Variants in MIB1 observed in about 807,000 individuals in gnomAD.
MIB1 encodes E3 ubiquitin-protein ligase MIB1.
In MIB1, 278 loss-of-function variants were observed where a neutral mutation model predicts 124.5. The observed-to-expected ratio is 2.23, with a 90% CI of 2.02 to 2.47. The LOEUF (loss-of-function observed/expected upper bound fraction) is 2.47. Among genes scored for constraint, MIB1 ranks in the 30% most tolerant of loss-of-function variants. The pLI is 0.00. For missense variants in MIB1, 957 were observed against 1,254.4 expected (o/e 0.76, Z 3.58); for synonymous variants, 446 against 429.4 (o/e 1.04, Z -0.48).
intron 6 of MIB1, among the ~76,000 whole-genome samples, chr18:21,781,414 T>TATAA (rs1334794571): frequency 2.0e-5 from 2 of 99,214 alleles, no homozygotes; most frequent in African/African-American, 4.0e-5. Context: ...TATATATATA[T>TATAA]AAAATTATTA....
At chr18:21,767,948 G>T (rs2041182507) in intron 2 of MIB1, among the ~76,000 whole-genome samples, 1 of 152,146 alleles carries the variant, frequency 6.6e-6, no homozygotes, top group African/African-American at 2.4e-5. Flanking sequence ...CAATACAGAA[G>T]ACTATCAGTA....
intron 12 of MIB1, among the ~76,000 whole-genome samples, chr18:21,821,867 C>CT: frequency 6.6e-6 from 1 of 152,272 alleles, no homozygotes; most frequent in East Asian, 1.9e-4. Flanking sequence ...TCCCAAAGTG[C>CT]TGGGATTACA....
chr18:21,765,849 T>A lies in MIB1; in HGVS notation c.307T>A (p.Cys103Ser), dbSNP rs1313624265. ...TGGCATTCGATGGAAGTGTGCAGAG[T>A]GTACAAATTATGATTTGTGCACAGT... ...IIGIRWKCAE[C>S]TNYDLCTVCY... Residue 103 changes from cysteine (C) to serine (S), a missense_variant, in exon 2 of 21, where the codon TGT (cysteine) becomes AGT (serine). By Grantham distance (112) the Cys-to-Ser change is moderately radical. Coordinates refer to ENST00000261537, the MANE Select transcript of MIB1 (RefSeq NM_020774.4). 2 of 1,613,978 alleles carry A rather than the reference T, an allele frequency of 1.2e-6. No homozygotes were observed. Among genetic ancestry groups the A allele is most frequent in the African/African-American group, 2.7e-5 (2 of 74,900 alleles).
chr18:21,790,372 A>G (rs866304054), intron 6 of MIB1, among the ~76,000 whole-genome samples: 1 of 152,252 alleles, frequency 6.6e-6, no homozygotes, highest in Admixed American at 6.5e-5. Context: ...ATAGGAGAAT[A>G]GTTAAGTACA....
chr18:21,769,936 G>A (rs1282708010), intron 3 of MIB1, among the ~76,000 whole-genome samples: 1 of 152,220 alleles, frequency 6.6e-6, no homozygotes, highest in Non-Finnish European at 1.5e-5. Flanking sequence ...AGGCATGGTG[G>A]CTCACGCCTG....
chr18:21,746,384 A>C (rs2040913266), intron 1 of MIB1, among the ~76,000 whole-genome samples: 1 of 152,168 alleles, frequency 6.6e-6, no homozygotes, highest in African/African-American at 2.4e-5. Context: ...TTTATGGTCT[A>C]GGATAGTTAA....
chr18:21,712,354 T>A (rs1158086066), intron 1 of MIB1, among the ~76,000 whole-genome samples: 2 of 152,120 alleles, frequency 1.3e-5, no homozygotes, highest in Non-Finnish European at 2.9e-5. Flanking sequence ...GGAGTGTGTA[T>A]AGGACCTGTG....
intron 3 of MIB1, among the ~76,000 whole-genome samples, chr18:21,770,546 C>G (rs1485471111): frequency 1.3e-5 from 2 of 152,074 alleles, no homozygotes; most frequent in Non-Finnish European, 2.9e-5. Context: ...TCTCGAACTC[C>G]TGGGTTCAAG....
intron 12 of MIB1, chr18:21,829,092 A>T (rs1301406679): frequency 2.2e-6 from 1 of 452,336 alleles, no homozygotes; most frequent in Admixed American, 2.7e-5. Context: ...AGTAGGTATT[A>T]CTAAGTTGTT....
Position 21,765,865 on chromosome 18 carries a change from T to G in MIB1, c.323T>G (p.Leu108Trp). ...TGTGCAGAGTGTACAAATTATGATT[T>G]GTGCACAGTGTGTTATCATGGAGAT... ...WKCAECTNYD[L>W]CTVCYHGDKH... is the part of the protein sequence containing the mutation. The change falls in exon 2 of 21, where the codon TTG (leucine) becomes TGG (tryptophan). Residue 108 changes from leucine to tryptophan, a missense_variant. By Grantham distance (61) the Leu-to-Trp change is moderately conservative. Coordinates refer to ENST00000261537, the MANE Select transcript of MIB1 (RefSeq NM_020774.4). 6.2e-7 allele frequency: 1 copy of G among 1,614,178 alleles called. No individual in the cohort carries two copies. The highest frequency in any genetic ancestry group is 8.5e-7 in the Non-Finnish European group (1 of 1,179,988).
intron 1 of MIB1, among the ~76,000 whole-genome samples, chr18:21,715,413 G>C (rs1305756553): frequency 6.6e-6 from 1 of 152,064 alleles, no homozygotes; most frequent in Non-Finnish European, 1.5e-5. Context: ...CAAATGAGAA[G>C]GAACCAGAAA....
chr18:21,747,413 G>A (rs2040923746), intron 1 of MIB1, among the ~76,000 whole-genome samples: 1 of 152,172 alleles, frequency 6.6e-6, no homozygotes, highest in Non-Finnish European at 1.5e-5. Flanking sequence ...GGGATTCTGC[G>A]AGAGTATTTC....
chr18:21,781,895 T>C (rs1490738843), intron 6 of MIB1, among the ~76,000 whole-genome samples: 3 of 152,112 alleles, frequency 2.0e-5, no homozygotes, highest in Non-Finnish European at 4.4e-5. Flanking sequence ...TTGGGTCTTC[T>C]GGTTTTATCT....
At chr18:21,735,288 C>T (rs1009033276) in intron 1 of MIB1, among the ~76,000 whole-genome samples, 2 of 152,130 alleles carry the variant, frequency 1.3e-5, no homozygotes, top group East Asian at 3.9e-4. Context: ...CTCCCCAAGC[C>T]AAGGGAAGCT....
intron 1 of MIB1, among the ~76,000 whole-genome samples, chr18:21,757,081 T>C (rs2041040919): frequency 6.6e-6 from 1 of 152,076 alleles, no homozygotes; most frequent in African/African-American, 2.4e-5. Context: ...TGCATTTTCT[T>C]AATGCAACTC....
intron 20 of MIB1, among the ~76,000 whole-genome samples, chr18:21,864,222 C>T (rs986593226): frequency 3.9e-5 from 6 of 152,002 alleles, no homozygotes; most frequent in African/African-American, 7.2e-5. Context: ...GTGATTCTCG[C>T]GCCTCAGCCT....
intron 1 of MIB1, among the ~76,000 whole-genome samples, chr18:21,760,034 G>A (rs2041080651): frequency 6.6e-6 from 1 of 152,150 alleles, no homozygotes; most frequent in Non-Finnish European, 1.5e-5. Flanking sequence ...TTAGTAGAAT[G>A]GGTCAAAAGC....
At chr18:21,715,529 C>T (rs2040685803) in intron 1 of MIB1, among the ~76,000 whole-genome samples, 1 of 151,650 alleles carries the variant, frequency 6.6e-6, no homozygotes, top group Admixed American at 6.6e-5. Context: ...CTCTGATTTA[C>T]CTGAAAAAGA....
At chr18:21,719,994 A>T (rs1421043479) in intron 1 of MIB1, among the ~76,000 whole-genome samples, 2 of 152,232 alleles carry the variant, frequency 1.3e-5, no homozygotes, top group African/African-American at 4.8e-5. Context: ...GTTTAAAAAA[A>T]GATTTATAAG....
Sources: gnomAD v4.1 joint callset for allele counts (sites outside exome capture counted in the v4.1 genomes callset) on GRCh38, gnomAD v4.1.1 for gene constraint, MANE v1.5 for transcripts, NCBI Gene and HGNC (gene_info 2026-07-23, HGNC 2026-07-21) for gene names.